SUPT3H: variants seen among roughly 807,000 people sequenced by gnomAD.
SUPT3H encodes the protein transcription initiation protein SPT3 homolog.
A neutral mutation model predicts 44.3 loss-of-function variants in SUPT3H; 44 were observed. The ratio of observed to expected loss-of-function variants is 0.99; its 90% confidence interval spans 0.78 to 1.28. The LOEUF (loss-of-function observed/expected upper bound fraction) is 1.28, where lower values mean the gene tolerates loss of function less well. Ranked by LOEUF, SUPT3H falls within the 50% of genes most tolerant of loss-of-function variation. The pLI, the probability that SUPT3H is intolerant of heterozygous loss-of-function variation, is 0.00. For synonymous variants in SUPT3H, 124 were observed against 125.6 expected, an observed-to-expected ratio of 0.99 and a Z score of 0.09; for missense variants, 380 against 387.1, an observed-to-expected ratio of 0.98 and a Z score of 0.15.
intron 10 of SUPT3H, among the ~76,000 whole-genome samples, chr6:44,837,685 C>A (rs1383206192): frequency 6.6e-6 from 1 of 152,158 alleles, no homozygotes; most frequent in East Asian, 1.9e-4. Context: ...ATCAATCAAG[C>A]CAATTGCTTT....
chr6:45,249,897 C>T (rs1221156031), intron 2 of SUPT3H, among the ~76,000 whole-genome samples: 3 of 152,112 alleles, frequency 2.0e-5, no homozygotes, highest in Non-Finnish European at 2.9e-5. Flanking sequence ...CACCCTCAAA[C>T]CTTATACCAG....
intron 2 of SUPT3H, among the ~76,000 whole-genome samples, chr6:45,269,148 C>T (rs149048705): frequency 9.2e-5 from 14 of 152,194 alleles, no homozygotes; most frequent in African/African-American, 3.1e-4. Context: ...AGAAGGATAA[C>T]GGCAAAACAT....
chr6:44,953,476 G>A, intron 8 of SUPT3H, 59 bp from the exon 9 acceptor site: 4 of 1,389,804 alleles, frequency 2.9e-6, no homozygotes, highest in Non-Finnish European at 4.1e-6. Context: ...TGCCACTGAA[G>A]TGGCAAACCT....
At position 45,283,723 on chromosome 6, in the gene SUPT3H, T is replaced by G. The variant is rs544378421; in HGVS notation, c.101+81478A>C. ...ATACCCAGGAATTGAACTCAGCTTT[T>G]CACCAAACAGACATAATAGACATCT... On this transcript the variant is annotated intron_variant, in intron 2 of 10. Coordinates refer to ENST00000371459, the MANE Select transcript of SUPT3H (RefSeq NM_003599.4). Among the ~76,000 whole-genome samples the G allele has an allele frequency of 2.4e-3, 361 of 150,936 alleles. 4 individuals carry two copies. The highest frequency in any genetic ancestry group is 4.4e-3 in the Admixed American group (66 of 15,034).
intron 10 of SUPT3H, chr6:44,898,891 T>A (rs369716181): frequency 5.2e-5 from 8 of 152,388 alleles, no homozygotes; most frequent in African/African-American, 1.9e-4. Context: ...TCAGTGGTCA[T>A]TGACATCAGA....
chr6:45,022,475 T>C (rs911564585), intron 3 of SUPT3H, among the ~76,000 whole-genome samples: 1 of 151,626 alleles, frequency 6.6e-6, no homozygotes, highest in Non-Finnish European at 1.5e-5. Context: ...GATCTGGAAT[T>C]TATATCATGG....
At chr6:45,180,244 C>T (rs1812879820) in intron 2 of SUPT3H, among the ~76,000 whole-genome samples, 1 of 143,340 alleles carries the variant, frequency 7.0e-6, no homozygotes, top group Non-Finnish European at 1.5e-5. Flanking sequence ...AAGAACATTC[C>T]ATGCTCATGG....
At chr6:45,229,801 C>T (rs756767465) in intron 2 of SUPT3H, among the ~76,000 whole-genome samples, 8 of 151,954 alleles carry the variant, frequency 5.3e-5, no homozygotes, top group South Asian at 2.1e-4. Flanking sequence ...TGGGGTAATC[C>T]AACATCTTGA....
At chr6:45,219,129 A>T (rs1765572720) in intron 2 of SUPT3H, among the ~76,000 whole-genome samples, 1 of 152,078 alleles carries the variant, frequency 6.6e-6, no homozygotes, top group Non-Finnish European at 1.5e-5. Context: ...AACTCATATC[A>T]CTACATGCTT....
chr6:45,017,190 T>C (rs1456245938), intron 4 of SUPT3H, among the ~76,000 whole-genome samples: 1 of 150,446 alleles, frequency 6.6e-6, no homozygotes, highest in African/African-American at 2.4e-5. Flanking sequence ...TTTGATGGGG[T>C]TGTTTGTTTT....
At chr6:44,859,977 A>G (rs1250972683) in intron 10 of SUPT3H, among the ~76,000 whole-genome samples, 1 of 152,192 alleles carries the variant, frequency 6.6e-6, no homozygotes, top group African/African-American at 2.4e-5. Flanking sequence ...TCAAACACAG[A>G]ATGGGGAATT....
At chr6:45,374,510 T>A (rs770289786) in intron 1 of SUPT3H, among the ~76,000 whole-genome samples, 7 of 152,212 alleles carry the variant, frequency 4.6e-5, no homozygotes, top group Non-Finnish European at 8.8e-5. Context: ...AGAGCCTCAA[T>A]AAAATATTTT....
chr6:45,334,771 G>C (rs775553323), intron 2 of SUPT3H, among the ~76,000 whole-genome samples: 1 of 145,816 alleles, frequency 6.9e-6, no homozygotes, highest in Non-Finnish European at 1.5e-5. Flanking sequence ...GAAAAAAATT[G>C]TAAATTATGT....
At chr6:45,077,721 T>C (rs1044259199) in intron 3 of SUPT3H, among the ~76,000 whole-genome samples, 7 of 151,064 alleles carry the variant, frequency 4.6e-5, no homozygotes, top group African/African-American at 1.5e-4. Flanking sequence ...TTTCTACTTA[T>C]AGTGTCACAT....
At chr6:45,200,256 T>C (rs1398847489) in intron 2 of SUPT3H, among the ~76,000 whole-genome samples, 1 of 151,554 alleles carries the variant, frequency 6.6e-6, no homozygotes, top group Admixed American at 6.6e-5. Context: ...GTGCTGTATT[T>C]ATATGTTCTC....
At chr6:45,048,221 CTTTTTTTTTTT>C (rs67557043) in intron 3 of SUPT3H, among the ~76,000 whole-genome samples, 33 of 88,220 alleles carry the variant, frequency 3.7e-4, no homozygotes, top group East Asian at 1.1e-3. Context: ...TCTCTCTACT[CTTTTTTTTTTT>C]TTTTTTTTTT....
At chr6:44,955,164 T>C (rs1376974448) in intron 7 of SUPT3H, 1 of 154,390 alleles carries the variant, frequency 6.5e-6, no homozygotes, top group African/African-American at 2.4e-5. Flanking sequence ...AGACCCACAC[T>C]GTGAACTTTT....
At chr6:45,344,600 C>A (rs553241676) in intron 2 of SUPT3H, among the ~76,000 whole-genome samples, 52 of 152,184 alleles carry the variant, frequency 3.4e-4, no homozygotes, top group Non-Finnish European at 7.4e-4. Flanking sequence ...TAAGAGGCCA[C>A]AAAAAGCTAT....
chr6:45,253,900 A>T (rs1438995248), intron 2 of SUPT3H, among the ~76,000 whole-genome samples: 1 of 108,822 alleles, frequency 9.2e-6, no homozygotes, highest in African/African-American at 3.3e-5. Context: ...ATATAGAACC[A>T]AAAGTTATGT....
Sources: allele counts gnomAD v4.1 joint callset (sites outside exome capture counted in the v4.1 genomes callset), GRCh38; gene constraint gnomAD v4.1.1; transcripts MANE v1.5; gene names NCBI Gene and HGNC (gene_info 2026-07-23, HGNC 2026-07-21).